UBR4: variants seen among roughly 807,000 people sequenced by gnomAD.
UBR4 encodes the protein ubiquitin protein ligase E3 component n-recognin 4.
A neutral mutation model predicts 575.6 loss-of-function variants in UBR4; 124 were observed. That is an observed-to-expected ratio of 0.22 (90% confidence interval 0.19 to 0.25). UBR4 has a LOEUF of 0.25. UBR4 is among the 10% of genes least tolerant of loss of function. The pLI, the probability that UBR4 is intolerant of heterozygous loss-of-function variation, is 1.00. For missense variants in UBR4, 4,818 were observed against 6,478.8 expected (o/e 0.74, Z 8.80); for synonymous variants, 2,455 against 2,473.7 (o/e 0.99, Z 0.22).
In UBR4 at chr1:19,115,558, T is replaced by A. The variant is rs150599387; in HGVS notation, c.10903A>T (p.Ile3635Phe). 4 of 1,614,072 alleles carry A rather than the reference T, an allele frequency of 2.5e-6. No homozygotes were observed. The African/African-American group carries it at 5.3e-5, about 22-fold the overall frequency. Residue 3635 changes from isoleucine (I) to phenylalanine (F), a missense_variant, in exon 74 of 106, where the codon ATT becomes TTT. Coordinates refer to ENST00000375254, the MANE Select transcript of UBR4 (RefSeq NM_020765.3). Reference protein sequence around the residue: ...TEVKIDLPLPIVASNLMIEFA... With the variant: ...TEVKIDLPLPFVASNLMIEFA... Reference sequence around the variant, plus strand: ...TCAATCATCAGATTGGAGGCCACAATGGGCAACGGCAGGTCAATCTTCACC... The same window carrying A: ...TCAATCATCAGATTGGAGGCCACAAAGGGCAACGGCAGGTCAATCTTCACC...
At chr1:19,119,972 G>A (rs2149457186) in intron 69 of UBR4, among the ~76,000 whole-genome samples, 1 of 152,298 alleles carries the variant, frequency 6.6e-6, no homozygotes, top group South Asian at 2.1e-4. Flanking sequence ...ATAGCCTTCT[G>A]AGTAGAAAAC....
Position 19,153,329 on chromosome 1 carries a change from A to G in UBR4, c.6804T>C (p.Pro2268=). The G allele has an allele frequency of 2.5e-6, 4 of 1,614,194 alleles. No individual in the cohort carries two copies. The highest frequency in any genetic ancestry group is 1.1e-5 in the South Asian group (1 of 91,076). ...QPSSVISIMK[P]VRKRKTATIT... Reference sequence around the variant, plus strand: ...TTGTAGCTGTTTTGCGCTTTCGAACAGGCTTCATGATGCTGATGACACTGC... The same window carrying G: ...TTGTAGCTGTTTTGCGCTTTCGAACGGGCTTCATGATGCTGATGACACTGC... The change falls in exon 46 of 106, where the codon CCT becomes CCC. Residue 2268 remains proline (P), a synonymous_variant. Transcript: ENST00000375254. The surrounding 1 kb of genome is among the most constrained non-coding windows in gnomAD (Gnocchi z 4.1).
chr1:19,100,338 A>C lies in UBR4; in HGVS notation c.13221+38T>G. The C allele has an allele frequency of 6.2e-7, 1 of 1,610,132 alleles. No individual in the cohort carries two copies. On this transcript the variant is annotated intron_variant, in intron 89 of 105. Transcript: ENST00000375254. This position sits in a 1 kb window ranked among gnomAD's most constrained non-coding sequence, Gnocchi z 4.2. The stretch of plus-strand genomic sequence containing the variant: ...TTGGTTAGCCTAGGAGGAAGCCCCT[A>C]ATCGTAAACGTGGGCAGCACTGTCC...
intron 63 of UBR4, 85 bp downstream of exon 63, chr1:19,127,538 G>A (rs2081958826): frequency 3.0e-6 from 3 of 1,015,530 alleles, no homozygotes; most frequent in Admixed American, 1.8e-5. Flanking sequence ...TTCTTACAGA[G>A]GACTACCACC....
intron 23 of UBR4, 47 bp downstream of exon 23, chr1:19,173,392 C>A: frequency 5.0e-6 from 8 of 1,612,660 alleles, no homozygotes; most frequent in Non-Finnish European, 6.8e-6. Flanking sequence ...CCAGTAAGCA[C>A]AAAGCACTTT....
In UBR4 at chr1:19,139,418, C is replaced by G. The variant is rs1294503219; in HGVS notation, c.8594-198G>C. Among the ~76,000 whole-genome samples, 2 of 152,180 alleles carry G rather than the reference C, an allele frequency of 1.3e-5. No individual in the cohort carries two copies. Among genetic ancestry groups the G allele is most frequent in the South Asian group, 4.1e-4 (2 of 4,832 alleles). On this transcript the variant is annotated intron_variant, in intron 58 of 105. Coordinates refer to ENST00000375254, the MANE Select transcript of UBR4 (RefSeq NM_020765.3). The surrounding 1 kb of genome is among the most constrained non-coding windows in gnomAD (Gnocchi z 4.2). ...GGTTAATCACTAACAGGAACAAACA[C>G]TATACACGGTGCATTGCAAACAGTA...
At chr1:19,113,328 C>A in intron 77 of UBR4, 1 of 296,558 alleles carries the variant, frequency 3.4e-6, no homozygotes, top group Non-Finnish European at 6.3e-6. Flanking sequence ...TTGGTATGCC[C>A]TTACCCTACA....
chr1:19,182,469 C>T (rs1571561038), intron 17 of UBR4, among the ~76,000 whole-genome samples: 2 of 151,978 alleles, frequency 1.3e-5, no homozygotes, highest in African/African-American at 4.8e-5. Flanking sequence ...CCTCTTGCCT[C>T]GCCTCCCGAG....
chr1:19,154,780 C>T, intron 44 of UBR4, 138 bp downstream of exon 44: 1 of 1,234,022 alleles, frequency 8.1e-7, no homozygotes, highest in Non-Finnish European at 1.1e-6. Flanking sequence ...TTTAAAGATA[C>T]CTAGCAGGGG....
intron 49 of UBR4, 82 bp from the exon 50 acceptor site, chr1:19,148,708 G>A: frequency 1.4e-6 from 2 of 1,444,184 alleles, no homozygotes; most frequent in South Asian, 1.2e-5. Context: ...ATAGTCATGA[G>A]GACCTTGGGG....
Position 19,170,831 on chromosome 1 carries a change from T to C in UBR4, c.3574A>G (p.Lys1192Glu), listed in dbSNP as rs766250107. Residue 1192 changes from lysine (K) to glutamate (E), a missense_variant, in exon 26 of 106, where the codon AAG (lysine) becomes GAG (glutamate). By Grantham distance (56) the Lys-to-Glu change is moderately conservative. This residue lies in a region of UBR4 where 1,172 missense variants were observed against 1,259.7 expected (regional missense o/e 0.93). Transcript: ENST00000375254. ...GCAGCAAAGCCTTGCAGTTTCTCCT[T>C]GGAAGGTTTCTCAGTTGTTCCCTCT... Reference protein sequence around the residue: ...NEEGTTEKPSKEKLQGFAAVL... With the variant: ...NEEGTTEKPSEEKLQGFAAVL... 6.2e-7 allele frequency: 1 copy of C among 1,614,202 alleles called. No homozygotes were observed. The highest frequency in any genetic ancestry group is 2.2e-5 in the East Asian group (1 of 44,878).
rs1414245331 is a variant in UBR4 at position 19,185,235 on chromosome 1, G to A, written c.1802C>T (p.Pro601Leu). 1.2e-6 allele frequency: 2 copies of A among 1,611,964 alleles called. No individual in the cohort carries two copies. The highest frequency in any genetic ancestry group is 2.2e-5 in the South Asian group (2 of 90,848). The change falls in exon 15 of 106, where the codon CCC becomes CTC. Residue 601 changes from proline to leucine, a missense_variant. Transcript: ENST00000375254. ...CGGAGGTGCTGCTTTCTCTTTACTG[G>A]GAGAAATAGTCTCCTCAAACCATTG... Reference protein sequence around the residue: ...LGQWFEETISPSKEKAAPPPP... With the variant: ...LGQWFEETISLSKEKAAPPPP...
At position 19,210,144 on chromosome 1, in the gene UBR4, G is replaced by A. The variant is rs1558059303; in HGVS notation, c.105C>T (p.Pro35=). Reference sequence around the variant, plus strand: ...AGGCGGAGTAGGACGCGGACAGCAGGGGCCGCACAGCCACCTCCCAGCCCG... The same window carrying A: ...AGGCGGAGTAGGACGCGGACAGCAGAGGCCGCACAGCCACCTCCCAGCCCG... The part of the protein sequence containing the change: ...TTPGWEVAVR[P]LLSASYSAFE... The change falls in exon 1 of 106, where the codon CCC becomes CCT. Residue 35 remains proline (P), a synonymous_variant. Transcript: ENST00000375254. 1.3e-6 allele frequency: 2 copies of A among 1,577,990 alleles called. No homozygotes were observed. Among genetic ancestry groups the A allele is most frequent in the Non-Finnish European group, 1.7e-6 (2 of 1,165,554 alleles).
intron 90 of UBR4, among the ~76,000 whole-genome samples, chr1:19,099,085 G>A (rs575956544): frequency 6.6e-6 from 1 of 152,324 alleles, no homozygotes; most frequent in Admixed American, 6.5e-5. Flanking sequence ...GGCCCAGAGC[G>A]CTGGACTTCC....
chr1:19,087,611 G>A (rs1178016390), intron 99 of UBR4, among the ~76,000 whole-genome samples: 1 of 152,242 alleles, frequency 6.6e-6, no homozygotes, highest in Non-Finnish European at 1.5e-5. Flanking sequence ...TTGTCATGAT[G>A]ATGATAAAGA....
chr1:19,081,721 C>G (rs1350216016), intron 102 of UBR4, 148 bp from the exon 103 acceptor site: 5 of 845,392 alleles, frequency 5.9e-6, no homozygotes, highest in Non-Finnish European at 1.0e-5. Flanking sequence ...TCCTTGCCGA[C>G]TACTCCCACT....
intron 38 of UBR4, among the ~76,000 whole-genome samples, chr1:19,160,523 C>T (rs1001979471): frequency 6.6e-5 from 10 of 152,216 alleles, no homozygotes; most frequent in South Asian, 2.1e-4. Context: ...TATCCTAATG[C>T]GCAAAGGCAT....
intron 67 of UBR4, 39 bp downstream of exon 67, chr1:19,121,895 G>T (rs1455526350): frequency 6.2e-7 from 1 of 1,610,562 alleles, no homozygotes; most frequent in Non-Finnish European, 8.5e-7. Flanking sequence ...GTTCCTGAAT[G>T]AATGAATAAC....
At chr1:19,104,010 G>A (rs1429710718) in intron 87 of UBR4, 74 bp downstream of exon 87, 32 of 1,539,100 alleles carry the variant, frequency 2.1e-5, no homozygotes, top group Admixed American at 1.5e-4. Flanking sequence ...GGAACTGGGG[G>A]AAATTGGTCG....
Sources: gnomAD v4.1 joint callset for allele counts (sites outside exome capture counted in the v4.1 genomes callset) on GRCh38, gnomAD v4.1.1 for gene constraint, gnomAD v4.1.1 regional missense constraint, Gnocchi (gnomAD v3.1) non-coding constraint, MANE v1.5 for transcripts, NCBI Gene and HGNC (gene_info 2026-07-23, HGNC 2026-07-21) for gene names.